Variants in TAF15 observed in about 807,000 individuals in gnomAD.
TAF15 encodes TATA-binding protein-associated factor 2N.
Under a neutral mutation model 102.5 loss-of-function variants are expected in TAF15, and 37 were observed. That is an observed-to-expected ratio of 0.36 (90% CI 0.28 to 0.47). TAF15 has a LOEUF of 0.47. Among genes scored for constraint, TAF15 ranks in the 20% least tolerant of loss-of-function variants. The pLI is 0.99. For missense variants in TAF15, 652 were observed against 760.7 expected (o/e 0.86, Z 1.68); for synonymous variants, 273 against 259.2 (o/e 1.05, Z -0.51).
At chr17:35,833,690 A>G in intron 7 of TAF15, 3 of 563,956 alleles carry the variant, frequency 5.3e-6, no homozygotes, top group Admixed American at 3.0e-5. Context: ...TAGATATGTA[A>G]TAAGCTTGAA....
At chr17:35,809,898 G>A (rs1210145525) in intron 1 of TAF15, 2 of 547,368 alleles carry the variant, frequency 3.7e-6, no homozygotes, top group East Asian at 6.2e-5. Context: ...GTAGGGGCGG[G>A]GGGAGCCGAG....
rs375917684 is a variant in TAF15 at position 35,822,624 on chromosome 17, C to T, written c.291-16C>T. 2 of 1,610,910 alleles carry T rather than the reference C, an allele frequency of 1.2e-6. No homozygotes were observed. Among genetic ancestry groups the T allele is most frequent in the East Asian group, 4.5e-5 (2 of 44,792 alleles). On this transcript the variant is annotated splice_polypyrimidine_tract_variant and intron_variant, in intron 5 of 15. Transcript: ENST00000605844. Reference sequence around the variant, plus strand: ...ATCTTCCTATGAAGTCTCTTAAGTTCTCCATTTCTATTTAGCCAAGGTGGA... The same window carrying T: ...ATCTTCCTATGAAGTCTCTTAAGTTTTCCATTTCTATTTAGCCAAGGTGGA...
At position 35,847,004 on chromosome 17, in the gene TAF15, T is replaced by A. The variant is rs1298439112; in HGVS notation, c.*59T>A. On this transcript the variant is annotated 3_prime_UTR_variant, in exon 16 of 16. Transcript: ENST00000605844. Reference sequence around the variant, plus strand: ...GATCCATAGTGAAATTGCCAGAGTTTTGCCTGCTGCTTTCCTCGTGGCCTC... The same window carrying A: ...GATCCATAGTGAAATTGCCAGAGTTATGCCTGCTGCTTTCCTCGTGGCCTC... 1 of 1,597,758 alleles carries A rather than the reference T, an allele frequency of 6.3e-7. No individual in the cohort carries two copies.
intron 12 of TAF15, 46 bp from the exon 13 acceptor site, chr17:35,844,031 G>C (rs777051771): frequency 7.9e-6 from 12 of 1,527,290 alleles, no homozygotes; most frequent in Non-Finnish European, 1.1e-5. Context: ...CTTCTGTTTT[G>C]TTAATATCTG....
chr17:35,837,723 C>T (rs915893357), intron 10 of TAF15, among the ~76,000 whole-genome samples: 3 of 150,240 alleles, frequency 2.0e-5, no homozygotes, highest in African/African-American at 7.4e-5. Context: ...GCTACTTGGG[C>T]GGCTGAGGCA....
Position 35,822,648 on chromosome 17 carries a change from G to A in TAF15, c.299G>A (p.Gly100Glu). The A allele has an allele frequency of 1.9e-6, 3 of 1,613,640 alleles. No homozygotes were observed. Among genetic ancestry groups the A allele is most frequent in the Non-Finnish European group, 2.5e-6 (3 of 1,179,784 alleles). ...QNMESSGSQGGRAPSYDQPDY... is the reference protein window; with the variant it reads ...QNMESSGSQGERAPSYDQPDY... Reference sequence around the variant, plus strand: ...TCTCCATTTCTATTTAGCCAAGGTGGAAGAGCACCTTCCTATGACCAGCCA... The same window carrying A: ...TCTCCATTTCTATTTAGCCAAGGTGAAAGAGCACCTTCCTATGACCAGCCA... Residue 100 changes from glycine (G) to glutamate (E), a missense_variant, in exon 6 of 16, where the codon GGA becomes GAA. Around this residue, in one of 3 missense-constraint regions of TAF15, gnomAD observed 243 missense variants for 284.1 expected, o/e 0.86. Transcript: ENST00000605844.
intron 12 of TAF15, among the ~76,000 whole-genome samples, chr17:35,843,157 C>T (rs2087567661): frequency 6.6e-6 from 1 of 150,742 alleles, no homozygotes; most frequent in African/African-American, 2.4e-5. Flanking sequence ...GAGTTTCGCT[C>T]TTGTTGCCCA....
chr17:35,843,519 C>G (rs745813919), intron 12 of TAF15, among the ~76,000 whole-genome samples: 18 of 152,078 alleles, frequency 1.2e-4, no homozygotes, highest in Non-Finnish European at 2.4e-4. Flanking sequence ...CATATTCTTA[C>G]ATTTGGAGTT....
At chr17:35,836,055 A>T in intron 9 of TAF15, 77 bp from the exon 10 acceptor site, 1 of 1,016,886 alleles carries the variant, frequency 9.8e-7, no homozygotes, top group Non-Finnish European at 1.5e-6. Flanking sequence ...TGGACAATAA[A>T]TTATTGTCTT....
chr17:35,838,569 A>T lies in TAF15; in HGVS notation c.913+16A>T. The T allele has an allele frequency of 6.2e-7, 1 of 1,613,674 alleles. No individual in the cohort carries two copies. ...TGGTTTGATGGTATGCCTCATTCGT[A>T]TAGTTTTCAGCATGAAGTTGGATAA... On this transcript the variant is annotated intron_variant, in intron 11 of 15. Coordinates refer to ENST00000605844, the MANE Select transcript of TAF15 (RefSeq NM_139215.3).
intron 7 of TAF15, among the ~76,000 whole-genome samples, chr17:35,830,619 A>G (rs1371350733): frequency 6.6e-6 from 1 of 152,250 alleles, no homozygotes; most frequent in Non-Finnish European, 1.5e-5. Context: ...TGTATTTAAT[A>G]AATTCCTTAA....
chr17:35,813,645 G>C (rs4572457), intron 1 of TAF15, among the ~76,000 whole-genome samples: 77 of 52,846 alleles, frequency 1.5e-3, no homozygotes, highest in African/African-American at 2.0e-3. Flanking sequence ...CCCCCCCCCC[G>C]CAAAAAAAGA....
chr17:35,830,270 C>G (rs1249575290), intron 7 of TAF15: 3 of 152,086 alleles, frequency 2.0e-5, no homozygotes, highest in African/African-American at 4.8e-5. Context: ...GGCAAAATAG[C>G]AAGACACCAT....
In TAF15 at chr17:35,844,691, T is replaced by A. The variant is rs113145447; in HGVS notation, c.1392T>A (p.Gly464=). The A allele has an allele frequency of 5.0e-6, 8 of 1,594,060 alleles. No individual in the cohort carries two copies. The East Asian group carries it at 1.2e-4, about 23-fold the overall frequency. ...GYGGDRGGGY[G]GDRGGGYGGD... is the part of the protein sequence containing the mutation. ...GTGGGGACAGAGGCGGCGGCTATGG[T>A]GGGGACAGAGGAGGCGGCTATGGAG... Residue 464 remains glycine, a synonymous_variant, in exon 15 of 16, where the codon GGT becomes GGA. Transcript: ENST00000605844.
Position 35,843,517 on chromosome 17 carries a change from T to TA in TAF15, c.1007-559dup, listed in dbSNP as rs1406803071. ...ACTGTGGCCTTTGCATTCATATTCT[T>TA]ACATTTGGAGTTTTTGTCTTCTCAC... On this transcript the variant is annotated intron_variant, in intron 12 of 15. Coordinates refer to ENST00000605844, the MANE Select transcript of TAF15 (RefSeq NM_139215.3). Among the ~76,000 whole-genome samples the TA allele has an allele frequency of 2.0e-5, 3 of 152,322 alleles. No homozygotes were observed. In the East Asian group the frequency reaches 5.8e-4, roughly 29 times the overall value.
intron 15 of TAF15, 76 bp downstream of exon 15, chr17:35,845,114 A>C: frequency 6.3e-7 from 1 of 1,585,058 alleles, no homozygotes; most frequent in Non-Finnish European, 8.6e-7. Context: ...ACATTTTAAC[A>C]ATTTTTTGGA....
chr17:35,824,944 A>G (rs1027982452), intron 7 of TAF15, among the ~76,000 whole-genome samples: 5 of 152,178 alleles, frequency 3.3e-5, no homozygotes, highest in African/African-American at 1.2e-4. Flanking sequence ...ATGAAAAAGT[A>G]GTTGACATCT....
chr17:35,845,654 C>T (rs926873474), intron 15 of TAF15, among the ~76,000 whole-genome samples: 37 of 152,078 alleles, frequency 2.4e-4, no homozygotes, highest in Non-Finnish European at 1.9e-4. Context: ...GGACTATGGG[C>T]GCCCGCCACC....
rs1027135795 is a variant in TAF15 at position 35,847,151 on chromosome 17, C to T, written c.*206C>T. The T allele has an allele frequency of 1.6e-6, 1 of 632,680 alleles. No individual in the cohort carries two copies. Among genetic ancestry groups the T allele is most frequent in the Admixed American group, 2.8e-5 (1 of 35,832 alleles). The allele number at this position is 632,680 out of a possible 1,614,324, so 39.2% of individuals were successfully genotyped here. ...TTTAGTTTCCAACCTTCTCCCCAAC[C>T]CTTGGAGCTAAATGCGTTGTAAAAT... is the stretch of plus-strand genomic sequence containing the variant. On this transcript the variant is annotated 3_prime_UTR_variant, in exon 16 of 16. Coordinates refer to ENST00000605844, the MANE Select transcript of TAF15 (RefSeq NM_139215.3).
Sources: allele counts gnomAD v4.1 joint callset (sites outside exome capture counted in the v4.1 genomes callset), GRCh38; gene constraint gnomAD v4.1.1; regional missense constraint gnomAD v4.1.1; transcripts MANE v1.5; gene names NCBI Gene and HGNC (gene_info 2026-07-23, HGNC 2026-07-21).